Variants in GRXCR1 observed in about 807,000 individuals in gnomAD.
GRXCR1 encodes glutaredoxin and cysteine rich domain containing 1.
In GRXCR1, 27 loss-of-function variants were observed where a neutral mutation model predicts 27.3. The observed-to-expected ratio is 0.99, with a 90% confidence interval of 0.73 to 1.37. The LOEUF (loss-of-function observed/expected upper bound fraction) is 1.37. GRXCR1 is among the 40% of genes most tolerant of loss of function. The pLI, the probability that GRXCR1 is intolerant of heterozygous loss-of-function variation, is 0.00. For missense variants in GRXCR1, 379 were observed against 354.4 expected (o/e 1.07, Z -0.56); for synonymous variants, 122 against 131.1 (o/e 0.93, Z 0.47).
At chr4:42,998,894 T>C (rs1024396340) in intron 2 of GRXCR1, among the ~76,000 whole-genome samples, 1 of 152,226 alleles carries the variant, frequency 6.6e-6, no homozygotes. Flanking sequence ...ATTGGTAGAT[T>C]TGGCTTTCCC....
rs561860225 is a variant in GRXCR1 at position 42,939,921 on chromosome 4, A to AT, written c.385-22965dup. ...CTAGTTCCTTGGAGTCCTGTTATCTATTTTTTCCCCTTAGTTGAGACAGAA... is the reference window on the plus strand; with the variant it reads ...CTAGTTCCTTGGAGTCCTGTTATCTATTTTTTTCCCCTTAGTTGAGACAGAA... On this transcript the variant is annotated intron_variant, in intron 1 of 3. Transcript: ENST00000399770. Among the ~76,000 whole-genome samples, 71 of 151,526 alleles carry AT rather than the reference A, an allele frequency of 4.7e-4. 2 individuals are homozygous for AT. The South Asian group carries it at 0.01, about 22-fold the overall frequency.
At chr4:42,896,524 G>A (rs907416911) in intron 1 of GRXCR1, among the ~76,000 whole-genome samples, 1 of 151,938 alleles carries the variant, frequency 6.6e-6, no homozygotes, top group South Asian at 2.1e-4. Context: ...AGATTATGGC[G>A]CTTCAGCTCC....
intron 1 of GRXCR1, among the ~76,000 whole-genome samples, chr4:42,949,966 G>A (rs900751210): frequency 6.6e-6 from 1 of 152,174 alleles, no homozygotes; most frequent in Admixed American, 6.5e-5. Context: ...AGGCTGAGAC[G>A]AAGTACAGGT....
At chr4:42,923,561 A>G (rs1187656836) in intron 1 of GRXCR1, among the ~76,000 whole-genome samples, 1 of 152,088 alleles carries the variant, frequency 6.6e-6, no homozygotes, top group Non-Finnish European at 1.5e-5. Context: ...AGTTACACAA[A>G]TAGCATGATT....
chr4:42,967,382 A>G (rs1013254385), intron 2 of GRXCR1, among the ~76,000 whole-genome samples: 1 of 152,048 alleles, frequency 6.6e-6, no homozygotes, highest in African/African-American at 2.4e-5. Flanking sequence ...TCTGGGTTCT[A>G]TACTGTTTCT....
At chr4:42,912,806 A>G (rs1458433498) in intron 1 of GRXCR1, among the ~76,000 whole-genome samples, 1 of 152,148 alleles carries the variant, frequency 6.6e-6, no homozygotes, top group African/African-American at 2.4e-5. Context: ...CTATGTCCCC[A>G]CCTAAATTGC....
At chr4:42,970,820 A>C (rs1379316575) in intron 2 of GRXCR1, among the ~76,000 whole-genome samples, 1 of 152,046 alleles carries the variant, frequency 6.6e-6, no homozygotes, top group Non-Finnish European at 1.5e-5. Context: ...AGCAGCTTGA[A>C]TTTCTCCGCA....
At chr4:42,985,914 A>G (rs1711710442) in intron 2 of GRXCR1, among the ~76,000 whole-genome samples, 1 of 152,162 alleles carries the variant, frequency 6.6e-6, no homozygotes, top group Non-Finnish European at 1.5e-5. Flanking sequence ...AAATGCATAT[A>G]TTTTCTCTGA....
At chr4:43,003,323 A>C (rs1037919486) in intron 2 of GRXCR1, among the ~76,000 whole-genome samples, 1 of 152,162 alleles carries the variant, frequency 6.6e-6, no homozygotes, top group Non-Finnish European at 1.5e-5. Context: ...ATTAAAAAAA[A>C]CAGAAGTGTG....
At chr4:42,933,046 C>T (rs186976011) in intron 1 of GRXCR1, among the ~76,000 whole-genome samples, 1 of 152,022 alleles carries the variant, frequency 6.6e-6, no homozygotes, top group East Asian at 1.9e-4. Flanking sequence ...TGGACCTGTG[C>T]TTCATGAGAA....
At chr4:42,987,256 TATATA>T (rs1368893480) in intron 2 of GRXCR1, among the ~76,000 whole-genome samples, 3 of 79,756 alleles carry the variant, frequency 3.8e-5, no homozygotes, top group African/African-American at 9.1e-5. Flanking sequence ...ATAATATATA[TATATA>T]ATATATATAT....
At chr4:42,958,953 C>A (rs902728527) in intron 1 of GRXCR1, among the ~76,000 whole-genome samples, 7 of 151,870 alleles carry the variant, frequency 4.6e-5, no homozygotes, top group African/African-American at 1.7e-4. Context: ...GAAAAGGGAA[C>A]AATCATACAC....
chr4:43,030,517 C>T lies in GRXCR1; in HGVS notation c.850C>T (p.Arg284Cys), dbSNP rs747155940. 4.6e-5 allele frequency: 74 copies of T among 1,613,910 alleles called. No individual in the cohort carries two copies. Among genetic ancestry groups the T allele is most frequent in the South Asian group, 1.4e-4 (13 of 91,082 alleles). Residue 284 changes from arginine to cysteine, a missense_variant, in exon 4 of 4, where the codon CGT (arginine) becomes TGT (cysteine). Arg to Cys is a radical substitution (Grantham distance 180). Transcript: ENST00000399770. ...CTACNENGLQ[R>C]CKNCAG ...GGCTTGCAATGAAAATGGTCTTCAG[C>T]GTTGTAAGAACTGTGCTGGTTAATT... is the stretch of plus-strand genomic sequence containing the variant.
At chr4:42,949,519 T>A (rs978817462) in intron 1 of GRXCR1, among the ~76,000 whole-genome samples, 2 of 152,188 alleles carry the variant, frequency 1.3e-5, no homozygotes, top group Non-Finnish European at 2.9e-5. Flanking sequence ...AATCAAATAC[T>A]AGCTCCATCA....
chr4:42,955,330 A>G (rs537302472), intron 1 of GRXCR1, among the ~76,000 whole-genome samples: 2 of 152,282 alleles, frequency 1.3e-5, no homozygotes, highest in East Asian at 1.9e-4. Flanking sequence ...ATGTGGGACC[A>G]TAATTTATTA....
intron 1 of GRXCR1, among the ~76,000 whole-genome samples, chr4:42,924,081 A>G (rs780931880): frequency 4.6e-5 from 7 of 152,122 alleles, no homozygotes; most frequent in Non-Finnish European, 1.0e-4. Context: ...AGAAAAAGCA[A>G]TAGACAGCAA....
At chr4:42,960,796 G>A (rs1344681029) in intron 1 of GRXCR1, among the ~76,000 whole-genome samples, 3 of 151,718 alleles carry the variant, frequency 2.0e-5, no homozygotes, top group Non-Finnish European at 2.9e-5. Context: ...CAGTGGCAGA[G>A]CTCAGGTATA....
At chr4:42,974,007 G>T (rs1013063618) in intron 2 of GRXCR1, among the ~76,000 whole-genome samples, 2 of 152,254 alleles carry the variant, frequency 1.3e-5, no homozygotes, top group South Asian at 4.1e-4. Flanking sequence ...CAAAGTGCAT[G>T]CTACAGTTGT....
At chr4:42,952,035 T>C (rs1240956997) in intron 1 of GRXCR1, among the ~76,000 whole-genome samples, 1 of 152,184 alleles carries the variant, frequency 6.6e-6, no homozygotes, top group Admixed American at 6.5e-5. Flanking sequence ...TCTGAAGAAA[T>C]CTTTTTATGC....
Sources: gnomAD v4.1 joint callset for allele counts (sites outside exome capture counted in the v4.1 genomes callset) on GRCh38, gnomAD v4.1.1 for gene constraint, MANE v1.5 for transcripts, NCBI Gene and HGNC (gene_info 2026-07-23, HGNC 2026-07-21) for gene names.